Variants in SLC7A14 observed in about 807,000 individuals in gnomAD.
The protein encoded by SLC7A14 is solute carrier family 7 member 14.
In SLC7A14, 37 loss-of-function variants were observed where a neutral mutation model predicts 60.2. That is an observed-to-expected ratio of 0.61 (90% CI 0.47 to 0.81). The LOEUF (loss-of-function observed/expected upper bound fraction) is 0.81. SLC7A14 is among the 30% of genes least tolerant of loss of function. The probability of loss-of-function intolerance (pLI) is 0.00; values close to 1 mark genes in which losing one functional copy is unlikely to be tolerated. For missense variants in SLC7A14, 886 were observed against 982.7 expected, an observed-to-expected ratio of 0.90 and a Z score of 1.32; for synonymous variants, 399 against 395.8, an observed-to-expected ratio of 1.01 and a Z score of -0.10.
intron 7 of SLC7A14, among the ~76,000 whole-genome samples, chr3:170,472,530 C>T (rs922348379): frequency 2.0e-5 from 3 of 152,000 alleles, no homozygotes; most frequent in South Asian, 2.1e-4. Flanking sequence ...CTTTGGGAGG[C>T]GGAGGTGGGT....
chr3:170,569,788 T>A (rs1337323692), intron 1 of SLC7A14, among the ~76,000 whole-genome samples: 2 of 152,202 alleles, frequency 1.3e-5, no homozygotes, highest in African/African-American at 2.4e-5. Context: ...ATTTTCTAGT[T>A]TATTTGTGTA....
At chr3:170,470,326 GTGTGTGTGTGTGTA>G (rs1348503200) in intron 7 of SLC7A14, among the ~76,000 whole-genome samples, 74 of 151,824 alleles carry the variant, frequency 4.9e-4, no homozygotes, top group Non-Finnish European at 1.5e-5. Context: ...GTGTGTGTGT[GTGTGTGTGTGTGTA>G]TGTGTGTGTG....
intron 1 of SLC7A14, among the ~76,000 whole-genome samples, chr3:170,531,047 G>T (rs1313390608): frequency 6.6e-6 from 1 of 152,130 alleles, no homozygotes; most frequent in East Asian, 1.9e-4. Context: ...TGGTGCCTGT[G>T]CCCCATCCCC....
At chr3:170,523,304 A>G (rs1297894157) in intron 2 of SLC7A14, among the ~76,000 whole-genome samples, 1 of 152,242 alleles carries the variant, frequency 6.6e-6, no homozygotes, top group African/African-American at 2.4e-5. Flanking sequence ...TACTTCTGAA[A>G]TCTTTATTTC....
In SLC7A14 at chr3:170,520,384, T is replaced by G. The variant is rs747065523; in HGVS notation, c.304+6249A>C. Among the ~76,000 whole-genome samples the G allele has an allele frequency of 5.9e-5, 9 of 152,344 alleles. No homozygotes were observed. The South Asian group carries it at 1.2e-3, about 21-fold the overall frequency. On this transcript the variant is annotated intron_variant, in intron 2 of 7. Coordinates refer to ENST00000231706, the MANE Select transcript of SLC7A14 (RefSeq NM_020949.3). ...ACTATGACCATTACATTGTTATGAC[T>G]ATTATTGCCATAGTCACTTATCAGA... is the stretch of plus-strand genomic sequence containing the variant.
chr3:170,541,756 A>G (rs1417962569), intron 1 of SLC7A14, among the ~76,000 whole-genome samples: 2 of 152,240 alleles, frequency 1.3e-5, no homozygotes, highest in African/African-American at 4.8e-5. Flanking sequence ...AATGATATCT[A>G]TTAGATTGGT....
At position 170,462,248 on chromosome 3, in the gene SLC7A14, G is replaced by C. The variant is rs1331291872; in HGVS notation, c.*4807C>G. On this transcript the variant is annotated 3_prime_UTR_variant, in exon 8 of 8. Transcript: ENST00000231706. ...AGTCTTCTATGTGGATTTTCAACCT[G>C]ATGTAGCTTCTGTTTATGTTGCAGA... 1 of 152,196 alleles carries C rather than the reference G, an allele frequency of 6.6e-6. No individual in the cohort carries two copies. The highest frequency in any genetic ancestry group is 2.4e-5 in the African/African-American group (1 of 41,438). 9.4% of individuals were successfully genotyped at this position (152,196 alleles called of 1,614,324 possible). A position where few individuals can be genotyped will look rare whatever the true frequency, so the allele number is the denominator to read the frequency against.
chr3:170,526,442 A>C (rs1713502650), intron 2 of SLC7A14, among the ~76,000 whole-genome samples, 191 bp downstream of exon 2: 2 of 151,922 alleles, frequency 1.3e-5, no homozygotes, highest in African/African-American at 4.8e-5. Flanking sequence ...AAAAAAAAAA[A>C]AGGAAGCTAC....
chr3:170,576,143 G>T (rs1390813718), intron 1 of SLC7A14, among the ~76,000 whole-genome samples: 1 of 152,128 alleles, frequency 6.6e-6, no homozygotes, highest in African/African-American at 2.4e-5. Flanking sequence ...ATTGTTTCCT[G>T]GTCTCTCCTT....
At chr3:170,526,430 AG>A (rs1427278519) in intron 2 of SLC7A14, among the ~76,000 whole-genome samples, 10 of 143,934 alleles carry the variant, frequency 6.9e-5, no homozygotes, top group East Asian at 3.9e-4. Flanking sequence ...GAAAAGAAAA[AG>A]AAAAAAAAAA....
intron 7 of SLC7A14, among the ~76,000 whole-genome samples, chr3:170,468,911 G>C (rs1739800207): frequency 6.6e-6 from 1 of 152,188 alleles, no homozygotes; most frequent in African/African-American, 2.4e-5. Flanking sequence ...GAACCACTCT[G>C]ATACCCTAGC....
At chr3:170,536,259 C>A (rs573235233) in intron 1 of SLC7A14, among the ~76,000 whole-genome samples, 5 of 152,194 alleles carry the variant, frequency 3.3e-5, no homozygotes, top group African/African-American at 1.2e-4. Flanking sequence ...GACCAATGCC[C>A]CAAATATAGC....
In SLC7A14 at chr3:170,462,027, C is replaced by T. The variant is rs752978947; in HGVS notation, c.*5028G>A. 1 of 152,366 alleles carries T rather than the reference C, an allele frequency of 6.6e-6. No individual in the cohort carries two copies. The highest frequency in any genetic ancestry group is 1.5e-5 in the Non-Finnish European group (1 of 68,138). 9.4% of individuals were successfully genotyped at this position (152,366 alleles called of 1,614,324 possible). On this transcript the variant is annotated 3_prime_UTR_variant, in exon 8 of 8. Coordinates refer to ENST00000231706, the MANE Select transcript of SLC7A14 (RefSeq NM_020949.3). ...TATACTCCAATAGTGGACCCCTACC[C>T]GCTGCGTAGACTCCGTAAGCAGACC...
At chr3:170,563,531 C>A (rs1292807124) in intron 1 of SLC7A14, among the ~76,000 whole-genome samples, 3 of 151,032 alleles carry the variant, frequency 2.0e-5, no homozygotes, top group African/African-American at 7.3e-5. Context: ...AATTCTCCAG[C>A]CGCAGCCTCC....
At chr3:170,502,280 G>A (rs1187040123) in intron 2 of SLC7A14, among the ~76,000 whole-genome samples, 1 of 152,178 alleles carries the variant, frequency 6.6e-6, no homozygotes, top group Admixed American at 6.5e-5. Context: ...CAGAATCATC[G>A]ATTGAATCCT....
chr3:170,475,620 G>A (rs142159315), intron 7 of SLC7A14, among the ~76,000 whole-genome samples: 152 of 152,348 alleles, frequency 1.0e-3, no homozygotes, highest in African/African-American at 3.5e-3. Flanking sequence ...CCTTAGAGCA[G>A]TGGCACGCAT....
chr3:170,537,209 T>G (rs1713875396), intron 1 of SLC7A14, among the ~76,000 whole-genome samples: 1 of 152,264 alleles, frequency 6.6e-6, no homozygotes, highest in East Asian at 1.9e-4. Context: ...CCAGGGACAG[T>G]CTATTTCCTT....
rs556864634 is a variant in SLC7A14, at chr3:170,494,901, G to C, written c.759+3766C>G. ...GAATGAGCGTGATACACAAGGTACT[G>C]CTTTGGTAGAAAGGGCTTTGGAGTC... is the stretch of plus-strand genomic sequence containing the variant. On this transcript the variant is annotated intron_variant, in intron 4 of 7. Transcript: ENST00000231706. Among the ~76,000 whole-genome samples, 97 of 152,320 alleles carry C rather than the reference G, an allele frequency of 6.4e-4. No individual in the cohort carries two copies. The South Asian group carries it at 0.019, about 29-fold the overall frequency.
intron 1 of SLC7A14, among the ~76,000 whole-genome samples, chr3:170,547,344 C>G (rs1003305071): frequency 6.6e-6 from 1 of 152,138 alleles, no homozygotes; most frequent in African/African-American, 2.4e-5. Context: ...CTAGGGGTGC[C>G]AACCCCTGTG....
Sources: gnomAD v4.1 joint callset for allele counts (sites outside exome capture counted in the v4.1 genomes callset) on GRCh38, gnomAD v4.1.1 for gene constraint, MANE v1.5 for transcripts, NCBI Gene and HGNC (gene_info 2026-07-23, HGNC 2026-07-21) for gene names.